Variants in KANSL2 observed in about 807,000 individuals in gnomAD.
KANSL2 encodes NSL complex protein NSL2.
In KANSL2, 34 loss-of-function variants were observed where a neutral mutation model predicts 55.6. That is an observed-to-expected ratio of 0.61 (90% confidence interval 0.46 to 0.81). The LOEUF (loss-of-function observed/expected upper bound fraction) is 0.81, where lower values mean the gene tolerates loss of function less well. KANSL2 is among the 40% of genes least tolerant of loss of function. The pLI is 0.00. For missense variants in KANSL2, 502 were observed against 609.9 expected, an observed-to-expected ratio of 0.82 and a Z score of 1.86; for synonymous variants, 209 against 214.3, an observed-to-expected ratio of 0.98 and a Z score of 0.22.
At position 48,669,131 on chromosome 12, in the gene KANSL2, A is replaced by G; in HGVS notation, c.851T>C (p.Leu284Pro). Reference sequence around the variant, plus strand: ...CTGTTGGGCAGCACCATCTGTGGCCAGCATTCTCCGTTCCTTCAACTGCCT... The same window carrying G: ...CTGTTGGGCAGCACCATCTGTGGCCGGCATTCTCCGTTCCTTCAACTGCCT... ...LHRQLKERRM[L>P]ATDGAAQQAH... The change falls in exon 6 of 10, where the codon CTG becomes CCG. Residue 284 changes from leucine to proline, a missense_variant. Coordinates refer to ENST00000420613, the MANE Select transcript of KANSL2 (RefSeq NM_017822.4). 1 of 1,549,782 alleles carries G rather than the reference A, an allele frequency of 6.5e-7. No individual in the cohort carries two copies.
intron 7 of KANSL2, chr12:48,662,526 A>G (rs1166402477): frequency 8.8e-6 from 11 of 1,248,854 alleles, no homozygotes; most frequent in Non-Finnish European, 1.1e-5. Context: ...CAGATGGGGC[A>G]AAAGAGGTAA....
At chr12:48,661,146 G>C (rs1350667796) in intron 7 of KANSL2, 1 of 588,312 alleles carries the variant, frequency 1.7e-6, no homozygotes, top group Non-Finnish European at 2.1e-6. Flanking sequence ...CAGAGCTCTA[G>C]TAAAAGTCAC....
chr12:48,680,810 C>T (rs1013189235), intron 2 of KANSL2, among the ~76,000 whole-genome samples: 8 of 151,736 alleles, frequency 5.3e-5, no homozygotes. Flanking sequence ...AACCCCGTCT[C>T]TACTAAAAAG....
intron 4 of KANSL2, among the ~76,000 whole-genome samples, chr12:48,678,252 A>T (rs1456533028): frequency 6.6e-6 from 1 of 152,158 alleles, no homozygotes; most frequent in Non-Finnish European, 1.5e-5. Context: ...CTACACCCAG[A>T]CCTTGAGACA....
At chr12:48,666,679 C>T (rs1385135807) in intron 7 of KANSL2, among the ~76,000 whole-genome samples, 3 of 150,106 alleles carry the variant, frequency 2.0e-5, no homozygotes, top group African/African-American at 2.5e-5. Context: ...GGCGACACAG[C>T]GAGACTCTGC....
At chr12:48,676,768 T>TA (rs1565609536) in intron 4 of KANSL2, among the ~76,000 whole-genome samples, 1 of 152,102 alleles carries the variant, frequency 6.6e-6, no homozygotes, top group African/African-American at 2.4e-5. Context: ...GGAAATCATA[T>TA]ATATACTAAC....
intron 6 of KANSL2, 70 bp from the exon 7 acceptor site, chr12:48,667,859 A>T: frequency 8.8e-7 from 1 of 1,134,786 alleles, no homozygotes; most frequent in African/African-American, 1.5e-5. Flanking sequence ...GAAAATAGTT[A>T]TATAAGAAAA....
chr12:48,673,406 G>A lies in KANSL2; in HGVS notation c.546-1444C>T, dbSNP rs147472533. Reference sequence around the variant, plus strand: ...GAAACCCCGTCTCTACTGAAAATACGAAAATCAACCAGGTATGGTGGTGGG... The same window carrying A: ...GAAACCCCGTCTCTACTGAAAATACAAAAATCAACCAGGTATGGTGGTGGG... On this transcript the variant is annotated intron_variant, in intron 4 of 9. Transcript: ENST00000420613. Among the ~76,000 whole-genome samples the A allele has an allele frequency of 2.8e-3, 424 of 151,232 alleles. 2 individuals are homozygous for A. Among genetic ancestry groups the A allele is most frequent in the African/African-American group, 9.4e-3 (387 of 41,252 alleles).
In KANSL2 at chr12:48,682,177, G is replaced by A. The variant is rs747156647; in HGVS notation, c.-10+10C>T. 7.2e-5 allele frequency: 50 copies of A among 694,564 alleles called. No homozygotes were observed. Among genetic ancestry groups the A allele is most frequent in the Non-Finnish European group, 9.5e-5 (36 of 380,478 alleles). 43.0% of individuals were successfully genotyped at this position (694,564 alleles called of 1,614,324 possible). ...GCAAGAGCTTAGAGGAAAGAGCACC[G>A]CCATCTTACCTCAGGAGCTGCGCTG... On this transcript the variant is annotated intron_variant, in intron 1 of 9. Coordinates refer to ENST00000420613, the MANE Select transcript of KANSL2 (RefSeq NM_017822.4).
intron 7 of KANSL2, chr12:48,661,113 A>G (rs964018186): frequency 2.0e-5 from 7 of 357,596 alleles, no homozygotes; most frequent in African/African-American, 1.6e-4. Flanking sequence ...ATTCATTTAA[A>G]GCACCACTGG....
rs188014596 is a variant in KANSL2, at chr12:48,665,443, A to G, written c.973+2250T>C. 7.3e-4 allele frequency among the ~76,000 whole-genome samples: 111 copies of G among 152,242 alleles called. 1 individual carries two copies. The highest frequency in any genetic ancestry group is 1.4e-3 in the South Asian group (7 of 4,828). ...CTGGGCACGGTGGCAGGCACCTGCA[A>G]TCCCAGCTACTTGGGAGGCTGAGGC... On this transcript the variant is annotated intron_variant, in intron 7 of 9. Coordinates refer to ENST00000420613, the MANE Select transcript of KANSL2 (RefSeq NM_017822.4).
At chr12:48,679,940 T>C in intron 2 of KANSL2, 107 bp from the exon 3 acceptor site, 1 of 945,412 alleles carries the variant, frequency 1.1e-6, no homozygotes, top group East Asian at 2.6e-5. Flanking sequence ...AAATGACTAT[T>C]ACATTCATTT....
At chr12:48,664,118 T>C (rs181153921) in intron 7 of KANSL2, among the ~76,000 whole-genome samples, 2 of 152,038 alleles carry the variant, frequency 1.3e-5, no homozygotes, top group Admixed American at 1.3e-4. Context: ...TTTCACCATA[T>C]TGGCAAAGCT....
At position 48,681,441 on chromosome 12, in the gene KANSL2, T is replaced by C. The variant is rs758180455; in HGVS notation, c.192A>G (p.Ile64Met). 10 of 1,613,808 alleles carry C rather than the reference T, an allele frequency of 6.2e-6. No homozygotes were observed. Among genetic ancestry groups the C allele is most frequent in the South Asian group, 4.4e-5 (4 of 91,092 alleles). ...KNAPFKQCSY[I>M]STKNGKRCPN... ...GACATCTTTTTCCATTCTTCGTCGA[T>C]ATATAACTACACTGCTTGAAGGGTG... Residue 64 changes from isoleucine to methionine, a missense_variant, in exon 2 of 10, where the codon ATA (isoleucine) becomes ATG (methionine). Coordinates refer to ENST00000420613, the MANE Select transcript of KANSL2 (RefSeq NM_017822.4).
intron 8 of KANSL2, among the ~76,000 whole-genome samples, chr12:48,657,270 C>T (rs563845295): frequency 1.3e-5 from 2 of 152,038 alleles, no homozygotes; most frequent in South Asian, 2.1e-4. Context: ...ACTAAAAATA[C>T]AAAAATTAGC....
intron 7 of KANSL2, chr12:48,667,405 C>A (rs949790850): frequency 4.8e-6 from 2 of 413,536 alleles, no homozygotes; most frequent in Admixed American, 5.9e-5. Context: ...TATTTTGGGA[C>A]CCAAGTATTA....
intron 6 of KANSL2, among the ~76,000 whole-genome samples, chr12:48,668,499 A>C (rs1939643551): frequency 6.6e-6 from 1 of 152,222 alleles, no homozygotes; most frequent in African/African-American, 2.4e-5. Flanking sequence ...AGGGAGTTCA[A>C]GACCAGCCTG....
rs911293641 is a variant in KANSL2 at position 48,660,298 on chromosome 12, A to G, written c.1227+68T>C. The G allele has an allele frequency of 4.1e-5, 63 of 1,555,458 alleles. No individual in the cohort carries two copies. In the East Asian group the frequency reaches 1.4e-3, roughly 34 times the overall value. Reference sequence around the variant, plus strand: ...TTCTCCTAACCACAAAGACTAACCTATTCTCACCATTAATAAATAAGGCTT... The same window carrying G: ...TTCTCCTAACCACAAAGACTAACCTGTTCTCACCATTAATAAATAAGGCTT... On this transcript the variant is annotated intron_variant, in intron 8 of 9. Coordinates refer to ENST00000420613, the MANE Select transcript of KANSL2 (RefSeq NM_017822.4).
chr12:48,659,885 A>C (rs1271467189), intron 8 of KANSL2, among the ~76,000 whole-genome samples: 1 of 152,258 alleles, frequency 6.6e-6, no homozygotes, highest in Non-Finnish European at 1.5e-5. Flanking sequence ...AAGTGAAACA[A>C]GCAAGACACA....
Sources: allele counts gnomAD v4.1 joint callset (sites outside exome capture counted in the v4.1 genomes callset), GRCh38; gene constraint gnomAD v4.1.1; transcripts MANE v1.5; gene names NCBI Gene and HGNC (gene_info 2026-07-23, HGNC 2026-07-21).